Variants in NLGN1 observed in about 807,000 individuals in gnomAD.
NLGN1 encodes the protein neuroligin 1.
Under a neutral mutation model 65.5 loss-of-function variants are expected in NLGN1, and 12 were observed. The observed-to-expected ratio is 0.18, with a 90% CI of 0.12 to 0.30. The LOEUF (loss-of-function observed/expected upper bound fraction) is 0.30. Among genes scored for constraint, NLGN1 ranks in the 10% least tolerant of loss-of-function variants. The pLI is 1.00. For synonymous variants in NLGN1, 350 were observed against 359.5 expected (o/e 0.97, Z 0.30); for missense variants, 750 against 1,007.1 (o/e 0.74, Z 3.46).
At chr3:173,816,868 T>C (rs1719137040) in intron 4 of NLGN1, among the ~76,000 whole-genome samples, 1 of 152,254 alleles carries the variant, frequency 6.6e-6, no homozygotes, top group Non-Finnish European at 1.5e-5. Context: ...ATCATCCATG[T>C]TCATCCAATC....
chr3:174,273,793 ATAAC>A (rs1480105509), intron 4 of NLGN1, among the ~76,000 whole-genome samples: 2 of 151,718 alleles, frequency 1.3e-5, no homozygotes, highest in African/African-American at 4.8e-5. Flanking sequence ...TAGGAAAAGA[ATAAC>A]TAAGCACTTT....
intron 4 of NLGN1, among the ~76,000 whole-genome samples, chr3:174,041,064 A>C (rs980113644): frequency 6.6e-6 from 1 of 152,156 alleles, no homozygotes; most frequent in Non-Finnish European, 1.5e-5. Flanking sequence ...GTGTTGAAAA[A>C]TACAAACATA....
At chr3:173,498,956 C>T (rs1730520300) in intron 2 of NLGN1, among the ~76,000 whole-genome samples, 1 of 151,328 alleles carries the variant, frequency 6.6e-6, no homozygotes, top group Admixed American at 6.6e-5. Context: ...GGATATTAGC[C>T]CTTTGTCAGA....
chr3:173,562,421 A>G (rs949832273), intron 2 of NLGN1, among the ~76,000 whole-genome samples: 2 of 151,882 alleles, frequency 1.3e-5, no homozygotes, highest in South Asian at 4.2e-4. Flanking sequence ...TAAAAAATTG[A>G]CTGGGTATGG....
intron 2 of NLGN1, among the ~76,000 whole-genome samples, chr3:173,559,942 CTTTTTTTT>C (rs35745476): frequency 1.8e-5 from 2 of 108,370 alleles, no homozygotes; most frequent in African/African-American, 3.7e-5. Context: ...TCTAGATACA[CTTTTTTTT>C]TTTTTTTTTT....
chr3:173,888,061 A>G (rs1278621634), intron 4 of NLGN1, among the ~76,000 whole-genome samples: 1 of 152,074 alleles, frequency 6.6e-6, no homozygotes, highest in Non-Finnish European at 1.5e-5. Context: ...AACATGGTGT[A>G]TATGAATCAC....
At position 173,798,366 on chromosome 3, in the gene NLGN1, GA is replaced by G. The variant is rs1478190623; in HGVS notation, c.494-9309del. Among the ~76,000 whole-genome samples the G allele has an allele frequency of 3.3e-5, 5 of 151,952 alleles. No individual in the cohort carries two copies. The East Asian group carries it at 9.6e-4, about 29-fold the overall frequency. On this transcript the variant is annotated intron_variant, in intron 3 of 6. Coordinates refer to ENST00000457714, the Ensembl canonical transcript of NLGN1. ...TTTTTGCAGTCTTTAAGAAATTACAGAAAAATTAAAAGCTTGAAAATATAAT... is the reference window on the plus strand; with the variant it reads ...TTTTTGCAGTCTTTAAGAAATTACAGAAAATTAAAAGCTTGAAAATATAAT...
chr3:174,157,335 G>A (rs997719712), intron 4 of NLGN1, among the ~76,000 whole-genome samples: 2 of 151,598 alleles, frequency 1.3e-5, no homozygotes, highest in Non-Finnish European at 2.9e-5. Context: ...TTGCGTATTA[G>A]CATATTAAGG....
intron 4 of NLGN1, among the ~76,000 whole-genome samples, chr3:174,203,948 T>C (rs915029879): frequency 6.6e-6 from 1 of 152,226 alleles, no homozygotes; most frequent in Non-Finnish European, 1.5e-5. Flanking sequence ...GGAGTCATTA[T>C]TTTAAAATTA....
chr3:173,857,843 T>C (rs1728291599), intron 4 of NLGN1, among the ~76,000 whole-genome samples: 1 of 140,336 alleles, frequency 7.1e-6, no homozygotes, highest in Non-Finnish European at 1.5e-5. Flanking sequence ...TAAATTTCAG[T>C]ATTGTCCTAT....
intron 2 of NLGN1, among the ~76,000 whole-genome samples, chr3:173,500,380 C>T (rs1007078774): frequency 6.6e-6 from 1 of 152,124 alleles, no homozygotes; most frequent in Admixed American, 6.5e-5. Flanking sequence ...GTTGAACCAG[C>T]CTTGCCTCCA....
At chr3:173,823,572 A>G (rs879943672) in intron 4 of NLGN1, among the ~76,000 whole-genome samples, 5 of 152,080 alleles carry the variant, frequency 3.3e-5, no homozygotes, top group Non-Finnish European at 7.4e-5. Context: ...CATAACAGAA[A>G]ACACTGTTTG....
intron 4 of NLGN1, among the ~76,000 whole-genome samples, chr3:174,188,872 T>C (rs1432795369): frequency 1.3e-5 from 2 of 152,004 alleles, no homozygotes; most frequent in Non-Finnish European, 2.9e-5. Context: ...CAAATTTATT[T>C]AAGAGGCAAC....
chr3:173,504,276 C>T (rs577391135), intron 2 of NLGN1, among the ~76,000 whole-genome samples: 1 of 152,124 alleles, frequency 6.6e-6, no homozygotes, highest in South Asian at 2.1e-4. Context: ...CTTATTTATA[C>T]ACTATATACA....
chr3:173,682,195 C>T (rs1235173182), intron 3 of NLGN1, among the ~76,000 whole-genome samples: 1 of 152,100 alleles, frequency 6.6e-6, no homozygotes, highest in Non-Finnish European at 1.5e-5. Flanking sequence ...ATGTACAACA[C>T]TTCATTTAGT....
At chr3:173,562,704 A>G (rs959407252) in intron 2 of NLGN1, among the ~76,000 whole-genome samples, 2 of 152,104 alleles carry the variant, frequency 1.3e-5, no homozygotes, top group African/African-American at 4.8e-5. Context: ...GATATTCCTC[A>G]TCTCGACATT....
chr3:173,541,482 C>T (rs1738852272), intron 2 of NLGN1, among the ~76,000 whole-genome samples: 2 of 152,016 alleles, frequency 1.3e-5, no homozygotes, highest in South Asian at 2.1e-4. Context: ...AATGGGGATT[C>T]AGTGCATATT....
intron 4 of NLGN1, among the ~76,000 whole-genome samples, chr3:174,081,366 T>G (rs1373516542): frequency 6.6e-6 from 1 of 152,148 alleles, no homozygotes; most frequent in African/African-American, 2.4e-5. Context: ...TTCCAGAAGC[T>G]GAGAAGTTCA....
chr3:173,696,515 C>T (rs1766243906), intron 3 of NLGN1, among the ~76,000 whole-genome samples: 2 of 152,272 alleles, frequency 1.3e-5, no homozygotes, highest in African/African-American at 4.8e-5. Flanking sequence ...AGCCAATCAT[C>T]TGTGGCCCAA....
Sources: allele counts gnomAD v4.1 joint callset (sites outside exome capture counted in the v4.1 genomes callset), GRCh38; gene constraint gnomAD v4.1.1; transcripts MANE v1.5; gene names NCBI Gene and HGNC (gene_info 2026-07-23, HGNC 2026-07-21).